The following AKAP12 variants were observed in gnomAD, a reference collection of about 807,000 sequenced individuals.
AKAP12 encodes the protein A-kinase anchoring protein 12.
A neutral mutation model predicts 79.9 loss-of-function variants in AKAP12; 32 were observed. That is an observed-to-expected ratio of 0.40 (90% CI 0.30 to 0.54). AKAP12 has a LOEUF of 0.54. Among genes scored for constraint, AKAP12 ranks in the 20% least tolerant of loss-of-function variants. The pLI, the probability that AKAP12 is intolerant of heterozygous loss-of-function variation, is 0.48. For missense variants in AKAP12, 2,074 were observed against 2,177.0 expected (o/e 0.95, Z 0.94); for synonymous variants, 808 against 857.0 (o/e 0.94, Z 1.00).
chr6:151,250,796 G>C (rs1400287847), intron 2 of AKAP12, among the ~76,000 whole-genome samples: 16 of 151,604 alleles, frequency 1.1e-4, no homozygotes, highest in African/African-American at 3.4e-4. Flanking sequence ...TAGTAGAGAT[G>C]GGGGTTTCAC....
intron 2 of AKAP12, among the ~76,000 whole-genome samples, chr6:151,302,673 CG>C (rs541255889): frequency 6.4e-4 from 97 of 152,082 alleles, no homozygotes; most frequent in Middle Eastern, 3.4e-3. Context: ...CACAATTGAC[CG>C]AAGTTTATTG....
At chr6:151,323,353 C>T (rs1777446447) in intron 3 of AKAP12, among the ~76,000 whole-genome samples, 2 of 152,124 alleles carry the variant, frequency 1.3e-5, no homozygotes. Flanking sequence ...GAGTTCAAGA[C>T]CAGCCTGGCC....
chr6:151,325,916 C>G, intron 3 of AKAP12: 2 of 1,614,166 alleles, frequency 1.2e-6, no homozygotes, highest in Non-Finnish European at 1.7e-6. Context: ...CTTTTGTCCT[C>G]CCTGGACGGC....
intron 3 of AKAP12, among the ~76,000 whole-genome samples, chr6:151,337,312 C>A (rs548112084): frequency 1.3e-5 from 2 of 151,292 alleles, no homozygotes; most frequent in African/African-American, 4.9e-5. Context: ...CGAGACCAGT[C>A]TCTACAGTTT....
At chr6:151,290,754 C>T (rs1776601605) in intron 2 of AKAP12, among the ~76,000 whole-genome samples, 2 of 152,080 alleles carry the variant, frequency 1.3e-5, no homozygotes, top group South Asian at 4.1e-4. Context: ...TACAGGCATG[C>T]GCCACCATGC....
rs538984756 is a variant in AKAP12 at position 151,286,156 on chromosome 6, C to T, written c.163-19591C>T. ...GCCTCCCAAAGTGCTGGGATTACAG[C>T]CATGGAGGTGATAATTTTTTTAAAA... is the stretch of plus-strand genomic sequence containing the variant. On this transcript the variant is annotated intron_variant, in intron 2 of 4. Transcript: ENST00000402676. Among the ~76,000 whole-genome samples, 276 of 152,028 alleles carry T rather than the reference C, an allele frequency of 1.8e-3. 1 individual carries two copies. Among genetic ancestry groups the T allele is most frequent in the Admixed American group, 5.4e-3 (82 of 15,264 alleles).
intron 2 of AKAP12, among the ~76,000 whole-genome samples, chr6:151,285,664 C>T (rs1776490464): frequency 6.6e-6 from 1 of 151,772 alleles, no homozygotes; most frequent in Non-Finnish European, 1.5e-5. Flanking sequence ...TTTAAAGTAT[C>T]ACAGTCTATC....
intron 2 of AKAP12, among the ~76,000 whole-genome samples, chr6:151,255,556 G>C (rs1797275318): frequency 6.6e-6 from 1 of 151,988 alleles, no homozygotes; most frequent in South Asian, 2.1e-4. Flanking sequence ...CCAGTGCTTT[G>C]AGAAGCCGAG....
rs78671832 is a variant in AKAP12, at chr6:151,324,347, A to G, written c.319+18444A>G. On this transcript the variant is annotated intron_variant, in intron 3 of 4. Coordinates refer to ENST00000402676, the MANE Select transcript of AKAP12 (RefSeq NM_005100.4). Reference sequence around the variant, plus strand: ...GAGGCTGAAGCTGATTTTTGTAACAAGGTCTGGTTACCAGCAAGGAAGCGG... The same window carrying G: ...GAGGCTGAAGCTGATTTTTGTAACAGGGTCTGGTTACCAGCAAGGAAGCGG... 2,038 of 985,396 alleles carry G rather than the reference A, an allele frequency of 2.1e-3. 3 individuals are homozygous for G. The highest frequency in any genetic ancestry group is 2.3e-3 in the Non-Finnish European group (1,941 of 829,912). 61.0% of individuals were successfully genotyped at this position (985,396 alleles called of 1,614,324 possible).
intron 2 of AKAP12, among the ~76,000 whole-genome samples, chr6:151,271,721 G>A (rs1776186657): frequency 6.6e-6 from 1 of 151,970 alleles, no homozygotes; most frequent in African/African-American, 2.4e-5. Flanking sequence ...GTGCAGTGGT[G>A]CGATTTCGGC....
chr6:151,332,277 C>G (rs1340595953), intron 3 of AKAP12, among the ~76,000 whole-genome samples: 1 of 152,084 alleles, frequency 6.6e-6, no homozygotes. Context: ...ACCTCGTGAT[C>G]CGCCCGCCTC....
intron 2 of AKAP12, among the ~76,000 whole-genome samples, chr6:151,242,880 G>T (rs1410705696): frequency 1.3e-5 from 2 of 152,236 alleles, no homozygotes; most frequent in Non-Finnish European, 2.9e-5. Flanking sequence ...GAAAGAGGAA[G>T]GGGTGATATT....
At chr6:151,323,660 T>G in intron 3 of AKAP12, 3 of 966,954 alleles carry the variant, frequency 3.1e-6, no homozygotes, top group African/African-American at 1.8e-5. Context: ...TTTGAAAATG[T>G]TGTTTAGGGT....
chr6:151,249,867 A>G (rs1797141840), intron 2 of AKAP12, among the ~76,000 whole-genome samples: 1 of 152,222 alleles, frequency 6.6e-6, no homozygotes, highest in South Asian at 2.1e-4. Context: ...TTTATATTCT[A>G]CATCTCAAGT....
chr6:151,352,684 A>G lies in AKAP12; in HGVS notation c.4293A>G (p.Leu1431=), dbSNP rs775806645. The G allele has an allele frequency of 6.2e-7, 1 of 1,614,098 alleles. No homozygotes were observed. The highest frequency in any genetic ancestry group is 1.3e-5 in the African/African-American group (1 of 74,934). Residue 1431 remains leucine (L), a synonymous_variant, in exon 4 of 5, where the codon TTA becomes TTG. Coordinates refer to ENST00000402676, the MANE Select transcript of AKAP12 (RefSeq NM_005100.4). ...CGGCTGCAGAGGAGGAAAAGGTCTT[A>G]GGAGAAACTGCCAACATTTTAGAAA... The part of the protein sequence containing the change: ...LTAAAEEEKV[L]GETANILETG...
At chr6:151,294,920 T>C (rs958935168) in intron 2 of AKAP12, among the ~76,000 whole-genome samples, 5 of 152,220 alleles carry the variant, frequency 3.3e-5, no homozygotes, top group Admixed American at 2.0e-4. Flanking sequence ...GAACTCATTT[T>C]AGAAAATGCA....
At chr6:151,269,323 TATTC>T (rs1776128694) in intron 2 of AKAP12, among the ~76,000 whole-genome samples, 1 of 152,182 alleles carries the variant, frequency 6.6e-6, no homozygotes, top group Non-Finnish European at 1.5e-5. Flanking sequence ...AATTTTTTAT[TATTC>T]AGTGCAGAAT....
intron 2 of AKAP12, among the ~76,000 whole-genome samples, chr6:151,261,448 T>C (rs966260328): frequency 2.0e-5 from 3 of 151,982 alleles, no homozygotes; most frequent in African/African-American, 7.3e-5. Context: ...CCCAGCACTT[T>C]GGGAGGCAGA....
intron 2 of AKAP12, among the ~76,000 whole-genome samples, chr6:151,243,943 C>T (rs1797022566): frequency 6.6e-6 from 1 of 152,202 alleles, no homozygotes; most frequent in Admixed American, 6.5e-5. Flanking sequence ...TTCCATGTCT[C>T]TGGCTAATCT....
Sources: gnomAD v4.1 joint callset for allele counts (sites outside exome capture counted in the v4.1 genomes callset) on GRCh38, gnomAD v4.1.1 for gene constraint, MANE v1.5 for transcripts, NCBI Gene and HGNC (gene_info 2026-07-23, HGNC 2026-07-21) for gene names.